PODXL: variants seen among roughly 807,000 people sequenced by gnomAD.
PODXL encodes the protein podocalyxin.
PODXL carries 20 observed loss-of-function variants against 48.9 expected under a neutral mutation model. The observed-to-expected ratio is 0.41, with a 90% CI of 0.29 to 0.59. The LOEUF is 0.59. Ranked by LOEUF, PODXL falls within the 20% of genes least tolerant of loss-of-function variation. The pLI, the probability that PODXL is intolerant of heterozygous loss-of-function variation, is 0.31. For synonymous variants in PODXL, 295 were observed against 287.4 expected (o/e 1.03, Z -0.27); for missense variants, 606 against 675.1 (o/e 0.90, Z 1.13).
intron 1 of PODXL, among the ~76,000 whole-genome samples, chr7:131,518,878 G>A (rs1350684529): frequency 6.6e-6 from 1 of 152,156 alleles, no homozygotes; most frequent in Non-Finnish European, 1.5e-5. Flanking sequence ...AAACTGATAT[G>A]CTGAAGGGGT....
intron 4 of PODXL, 74 bp from the exon 5 acceptor site, chr7:131,509,102 G>T: frequency 7.5e-7 from 1 of 1,329,568 alleles, no homozygotes; most frequent in Admixed American, 1.7e-5. Flanking sequence ...CAACTAAGGG[G>T]TGACCCAGAT....
At chr7:131,520,368 A>G in intron 1 of PODXL, 1 of 493,332 alleles carries the variant, frequency 2.0e-6, no homozygotes, top group African/African-American at 2.0e-5. Context: ...GGAATAAAGA[A>G]TGTCCCATAC....
At position 131,504,176 on chromosome 7, in the gene PODXL, C is replaced by T; in HGVS notation, c.*135G>A. 1 of 681,032 alleles carries T rather than the reference C, an allele frequency of 1.5e-6. No homozygotes were observed. The highest frequency in any genetic ancestry group is 2.5e-6 in the Non-Finnish European group (1 of 395,754). 42.2% of individuals were successfully genotyped at this position (681,032 alleles called of 1,614,324 possible). ...CAGGTTGAAAAGGGAAAAATTAAGGCCCTGGGGGGATTGGGAGGGGACACC... is the reference window on the plus strand; with the variant it reads ...CAGGTTGAAAAGGGAAAAATTAAGGTCCTGGGGGGATTGGGAGGGGACACC... On this transcript the variant is annotated 3_prime_UTR_variant, in exon 9 of 9. Transcript: ENST00000378555.
chr7:131,515,284 A>C (rs746881022), intron 1 of PODXL, among the ~76,000 whole-genome samples: 47 of 152,206 alleles, frequency 3.1e-4, no homozygotes, highest in Non-Finnish European at 2.8e-4. Context: ...CTTTGTTTGC[A>C]GCTGAAGGGC....
At chr7:131,548,165 C>A (rs1562919158) in intron 1 of PODXL, among the ~76,000 whole-genome samples, 1 of 152,240 alleles carries the variant, frequency 6.6e-6, no homozygotes, top group Non-Finnish European at 1.5e-5. Context: ...TGGGACCAGG[C>A]TTCCTGAGAG....
intron 1 of PODXL, among the ~76,000 whole-genome samples, chr7:131,525,426 CAAAAAAAAAA>C (rs57927217): frequency 1.4e-4 from 8 of 59,232 alleles, no homozygotes; most frequent in South Asian, 7.3e-4. Context: ...TCATCTCTAC[CAAAAAAAAAA>C]AAAAAAAAAA....
At chr7:131,514,058 G>T (rs1327624875) in intron 1 of PODXL, among the ~76,000 whole-genome samples, 2 of 152,168 alleles carry the variant, frequency 1.3e-5, no homozygotes, top group Non-Finnish European at 1.5e-5. Context: ...TGCCCAGGAA[G>T]TGGCTTTGGT....
chr7:131,544,925 A>G (rs1798548349), intron 1 of PODXL, among the ~76,000 whole-genome samples: 2 of 152,206 alleles, frequency 1.3e-5, no homozygotes, highest in African/African-American at 4.8e-5. Flanking sequence ...ACTGTCTGTG[A>G]GCCACTATGA....
At chr7:131,506,879 C>T (rs1398961827) in intron 5 of PODXL, 153 bp from the exon 6 acceptor site, 6 of 746,052 alleles carry the variant, frequency 8.0e-6, no homozygotes, top group African/African-American at 5.2e-5. Flanking sequence ...CGCAGGCCTG[C>T]CAGGAATCAA....
chr7:131,541,459 G>A (rs944988328), intron 1 of PODXL, among the ~76,000 whole-genome samples: 3 of 152,070 alleles, frequency 2.0e-5, no homozygotes, highest in South Asian at 2.1e-4. Context: ...AGGCCGAGGC[G>A]GGTGGATCAC....
chr7:131,531,229 C>T (rs1479506588), intron 1 of PODXL, among the ~76,000 whole-genome samples: 1 of 152,180 alleles, frequency 6.6e-6, no homozygotes. Context: ...TGGTCTTCTG[C>T]TCTGGAATCT....
Position 131,511,237 on chromosome 7 carries a change from G to A in PODXL, c.297C>T (p.Val99=). The change falls in exon 2 of 9, where the codon GTC becomes GTT. Residue 99 remains valine, a synonymous_variant. Coordinates refer to ENST00000378555, the MANE Select transcript of PODXL (RefSeq NM_001018111.3). ...SPGTTTLAQQ[V]SGPVNTTVAR... is the part of the protein sequence containing the mutation. ...CCACGGTAGTGTTGACTGGGCCTGA[G>A]ACTTGCTGAGCCAGGGTTGTAGTCC... is the stretch of plus-strand genomic sequence containing the variant. 1 of 1,614,098 alleles carries A rather than the reference G, an allele frequency of 6.2e-7. No homozygotes were observed. The highest frequency in any genetic ancestry group is 8.5e-7 in the Non-Finnish European group (1 of 1,180,016).
chr7:131,547,374 C>CAAAAAAAAAA (rs10683140), intron 1 of PODXL, among the ~76,000 whole-genome samples: 3 of 68,974 alleles, frequency 4.3e-5, no homozygotes, highest in African/African-American at 1.3e-4. Context: ...AACTCCGTCT[C>CAAAAAAAAAA]AAAAAAAAAA....
At chr7:131,549,555 G>A (rs1052980867) in intron 1 of PODXL, among the ~76,000 whole-genome samples, 2 of 152,124 alleles carry the variant, frequency 1.3e-5, no homozygotes, top group African/African-American at 2.4e-5. Context: ...CCTCCTCACC[G>A]GCTTGCTTAA....
At chr7:131,531,862 G>A (rs754349325) in intron 1 of PODXL, among the ~76,000 whole-genome samples, 45 of 151,982 alleles carry the variant, frequency 3.0e-4, no homozygotes, top group Non-Finnish European at 5.1e-4. Context: ...CTGTAATCCC[G>A]CACTTTGGGA....
Position 131,548,206 on chromosome 7 carries a change from G to A in PODXL, c.100+8054C>T, listed in dbSNP as rs148438735. 4.1e-3 allele frequency among the ~76,000 whole-genome samples: 627 copies of A among 152,332 alleles called. 2 individuals carry two copies. Among genetic ancestry groups the A allele is most frequent in the African/African-American group, 0.014 (593 of 41,572 alleles). ...TTTCCTGAGAGCTGTGTGCAGAGGC[G>A]AAGCTGATCTGACCGGCAAGGTGAG... On this transcript the variant is annotated intron_variant, in intron 1 of 8. Transcript: ENST00000378555.
intron 1 of PODXL, among the ~76,000 whole-genome samples, chr7:131,533,596 G>A (rs1056753309): frequency 6.6e-6 from 1 of 152,172 alleles, no homozygotes; most frequent in African/African-American, 2.4e-5. Context: ...GGAGGGCACT[G>A]TGGCCAGATC....
chr7:131,537,305 GT>G (rs1317959949), intron 1 of PODXL, among the ~76,000 whole-genome samples: 4 of 132,456 alleles, frequency 3.0e-5, no homozygotes, highest in African/African-American at 1.0e-4. Flanking sequence ...GTGAGAACCT[GT>G]TTTTTTAAAA....
chr7:131,538,105 G>A (rs866755646), intron 1 of PODXL, among the ~76,000 whole-genome samples: 12 of 152,184 alleles, frequency 7.9e-5, no homozygotes, highest in East Asian at 1.9e-4. Flanking sequence ...AGGGCCCACT[G>A]TGGCCCTGCA....
Sources: allele counts gnomAD v4.1 joint callset (sites outside exome capture counted in the v4.1 genomes callset), GRCh38; gene constraint gnomAD v4.1.1; transcripts MANE v1.5; gene names NCBI Gene and HGNC (gene_info 2026-07-23, HGNC 2026-07-21).